The following DNAJC2 variants were observed in gnomAD, a reference collection of about 807,000 sequenced individuals.
DNAJC2 encodes dnaJ homolog subfamily C member 2.
DNAJC2 carries 32 observed loss-of-function variants against 94.0 expected under a neutral mutation model. The ratio of observed to expected loss-of-function variants is 0.34; its 90% CI spans 0.26 to 0.46. DNAJC2 has a LOEUF of 0.46. DNAJC2 is among the 20% of genes least tolerant of loss of function. DNAJC2 has a pLI of 1.00. For missense variants in DNAJC2, 550 were observed against 719.5 expected, an observed-to-expected ratio of 0.76 and a Z score of 2.69; for synonymous variants, 210 against 229.7, an observed-to-expected ratio of 0.91 and a Z score of 0.77.
At chr7:103,316,765 G>C in intron 13 of DNAJC2, 65 bp downstream of exon 13, 1 of 1,307,870 alleles carries the variant, frequency 7.6e-7, no homozygotes, top group Non-Finnish European at 1.1e-6. Flanking sequence ...CTGCTATTTG[G>C]AGTCTGTCTA....
chr7:103,325,426 G>A (rs1818651810), intron 5 of DNAJC2, among the ~76,000 whole-genome samples: 1 of 148,514 alleles, frequency 6.7e-6, no homozygotes, highest in African/African-American at 2.5e-5. Context: ...AAGAGAGCAA[G>A]ATACTGTCTC....
intron 3 of DNAJC2, among the ~76,000 whole-genome samples, chr7:103,334,915 C>G (rs1268618851): frequency 6.6e-6 from 1 of 152,162 alleles, no homozygotes; most frequent in Non-Finnish European, 1.5e-5. Flanking sequence ...CTGGCTGCAA[C>G]CTCTGCCTCC....
Position 103,319,738 on chromosome 7 carries a change from G to A in DNAJC2, c.1172+18C>T. 6.2e-7 allele frequency: 1 copy of A among 1,614,070 alleles called. No homozygotes were observed. Reference sequence around the variant, plus strand: ...CTAAGCTCAAGTGAAGACTTCAATAGCAGTTCCATAGGTATACCTTGCCAG... The same window carrying A: ...CTAAGCTCAAGTGAAGACTTCAATAACAGTTCCATAGGTATACCTTGCCAG... On this transcript the variant is annotated intron_variant, in intron 11 of 16. Coordinates refer to ENST00000379263, the MANE Select transcript of DNAJC2 (RefSeq NM_014377.3).
intron 10 of DNAJC2, 44 bp downstream of exon 10, chr7:103,321,888 C>G: frequency 6.4e-7 from 1 of 1,558,144 alleles, no homozygotes; most frequent in Admixed American, 1.9e-5. Context: ...GCTTAATAAG[C>G]AACTTGATTT....
chr7:103,341,451 C>T, intron 2 of DNAJC2, among the ~76,000 whole-genome samples: 1 of 152,258 alleles, frequency 6.6e-6, no homozygotes, highest in Middle Eastern at 3.4e-3. Context: ...TCTTTTACTC[C>T]TTTGTGTCTT....
At chr7:103,338,823 T>C (rs1819273999) in intron 2 of DNAJC2, among the ~76,000 whole-genome samples, 1 of 151,988 alleles carries the variant, frequency 6.6e-6, no homozygotes, top group African/African-American at 2.4e-5. Flanking sequence ...GGCAAGATAA[T>C]TGCTTGAACC....
At chr7:103,337,632 T>G in intron 3 of DNAJC2, 104 bp downstream of exon 3, 1 of 898,534 alleles carries the variant, frequency 1.1e-6, no homozygotes, top group Non-Finnish European at 1.7e-6. Context: ...TGCTGTTAAA[T>G]GTAGTTATGG....
chr7:103,327,443 C>A, intron 4 of DNAJC2: 1 of 787,868 alleles, frequency 1.3e-6, no homozygotes, highest in Non-Finnish European at 2.0e-6. Context: ...TTCTAATAAG[C>A]TGCCAGGTGT....
intron 5 of DNAJC2, among the ~76,000 whole-genome samples, chr7:103,325,461 A>AC (rs1554568552): frequency 5.9e-5 from 9 of 151,422 alleles, no homozygotes; most frequent in Non-Finnish European, 1.0e-4. Flanking sequence ...AAAAAAAAAA[A>AC]CCAAAAAACA....
intron 10 of DNAJC2, among the ~76,000 whole-genome samples, 181 bp from the exon 11 acceptor site, chr7:103,320,025 C>G (rs878856228): frequency 3.9e-5 from 6 of 152,176 alleles, no homozygotes. Context: ...CAGAGCAAGA[C>G]TCCATCTCAA....
At chr7:103,326,760 C>A (rs891687317) in intron 4 of DNAJC2, 76 bp from the exon 5 acceptor site, 1 of 1,392,480 alleles carries the variant, frequency 7.2e-7, no homozygotes, top group African/African-American at 1.5e-5. Flanking sequence ...GTATTTCCCT[C>A]CTTAAAACAT....
chr7:103,320,746 A>AAT (rs760613846), intron 10 of DNAJC2: 60 of 118,358 alleles, frequency 5.1e-4, no homozygotes, highest in East Asian at 1.2e-3. Flanking sequence ...TCTGTCACAA[A>AAT]ATATATATAT....
intron 16 of DNAJC2, 135 bp from the exon 17 acceptor site, chr7:103,312,778 C>A (rs758249796): frequency 6.0e-5 from 91 of 1,510,682 alleles, no homozygotes; most frequent in Non-Finnish European, 7.6e-5. Flanking sequence ...CTGCCAGGGC[C>A]TAGAAAGTTT....
In DNAJC2 at chr7:103,316,281, C is replaced by G. The variant is rs1818049411; in HGVS notation, c.1428-193G>C. ...GTTTTTGCTTTTCATGTGTTTAAAT[C>G]AACGATAATCTTGGTTTTAAGTCCA... On this transcript the variant is annotated intron_variant, in intron 13 of 16. Coordinates refer to ENST00000379263, the MANE Select transcript of DNAJC2 (RefSeq NM_014377.3). The G allele has an allele frequency of 9.9e-6, 4 of 405,038 alleles. No homozygotes were observed. The East Asian group carries it at 1.5e-4, about 15-fold the overall frequency. The allele number at this position is 405,038 out of a possible 1,614,324, so 25.1% of individuals were successfully genotyped here.
chr7:103,312,425 G>A lies in DNAJC2; in HGVS notation c.*144C>T. ...AGACTACCCCTCTGAAGGTTGTTTT[G>A]TATTAATGGTCAGTCTTTGTTCTCT... On this transcript the variant is annotated 3_prime_UTR_variant, in exon 17 of 17. Transcript: ENST00000379263. 6.6e-7 allele frequency: 1 copy of A among 1,509,538 alleles called. No homozygotes were observed. The highest frequency in any genetic ancestry group is 8.8e-7 in the Non-Finnish European group (1 of 1,138,626). 93.5% of individuals were successfully genotyped at this position (1,509,538 alleles called of 1,614,324 possible).
intron 3 of DNAJC2, among the ~76,000 whole-genome samples, chr7:103,330,045 G>A (rs1818902177): frequency 1.3e-5 from 2 of 152,144 alleles, no homozygotes; most frequent in Admixed American, 1.3e-4. Flanking sequence ...CTGTGGGCCT[G>A]AAACAGTTAT....
At chr7:103,343,843 C>G (rs866420756) in intron 1 of DNAJC2, among the ~76,000 whole-genome samples, 1 of 152,104 alleles carries the variant, frequency 6.6e-6, no homozygotes, top group Non-Finnish European at 1.5e-5. Flanking sequence ...AAGAGGCACA[C>G]GGAGACACAT....
intron 1 of DNAJC2, among the ~76,000 whole-genome samples, chr7:103,342,694 C>T (rs369068107): frequency 4.6e-5 from 7 of 151,664 alleles, no homozygotes; most frequent in East Asian, 3.9e-4. Flanking sequence ...CTGAAAGCTC[C>T]GCCTCCCGGG....
chr7:103,313,198 T>C, intron 15 of DNAJC2, 97 bp from the exon 16 acceptor site: 2 of 1,470,284 alleles, frequency 1.4e-6, no homozygotes, highest in Non-Finnish European at 1.8e-6. Context: ...CATTTCAATC[T>C]GGGATGTGTC....
Sources: gnomAD v4.1 joint callset for allele counts (sites outside exome capture counted in the v4.1 genomes callset) on GRCh38, gnomAD v4.1.1 for gene constraint, MANE v1.5 for transcripts, NCBI Gene and HGNC (gene_info 2026-07-23, HGNC 2026-07-21) for gene names.